The following MED13 variants were observed in gnomAD, a reference collection of about 807,000 sequenced individuals.
MED13 encodes mediator of RNA polymerase II transcription subunit 13.
A neutral mutation model predicts 225.2 loss-of-function variants in MED13; 23 were observed. That is an observed-to-expected ratio of 0.10 (90% CI 0.07 to 0.14). The LOEUF is 0.14. Among genes scored for constraint, MED13 ranks in the 10% least tolerant of loss-of-function variants. The probability of loss-of-function intolerance (pLI) is 1.00; values close to 1 mark genes in which losing one functional copy is unlikely to be tolerated. For synonymous variants in MED13, 942 were observed against 889.2 expected, an observed-to-expected ratio of 1.06 and a Z score of -1.06; for missense variants, 2,197 against 2,594.5, an observed-to-expected ratio of 0.85 and a Z score of 3.33.
At chr17:62,049,930 C>CAAAAA (rs544006035) in intron 3 of MED13, among the ~76,000 whole-genome samples, 1 of 96,262 alleles carries the variant, frequency 1.0e-5, no homozygotes, top group Non-Finnish European at 2.0e-5. Flanking sequence ...GCTCTGTCTC[C>CAAAAA]AAAAAAAAAA....
intron 26 of MED13, among the ~76,000 whole-genome samples, chr17:61,954,842 A>C (rs1010149102): frequency 6.6e-6 from 1 of 152,188 alleles, no homozygotes; most frequent in Non-Finnish European, 1.5e-5. Context: ...TGATATCAAC[A>C]AGGTGAAAGA....
chr17:62,001,759 T>C (rs1224485470), intron 9 of MED13, among the ~76,000 whole-genome samples: 1 of 152,354 alleles, frequency 6.6e-6, no homozygotes, highest in Non-Finnish European at 1.5e-5. Flanking sequence ...AATATGCTAT[T>C]TTCCATTAGA....
At chr17:61,981,217 T>C (rs1353204053) in intron 16 of MED13, among the ~76,000 whole-genome samples, 1 of 152,032 alleles carries the variant, frequency 6.6e-6, no homozygotes, top group Non-Finnish European at 1.5e-5. Context: ...AGACGGGATT[T>C]CACTATGTTG....
At chr17:61,955,221 C>T (rs1293980360) in intron 26 of MED13, 161 bp downstream of exon 26, 25 of 537,716 alleles carry the variant, frequency 4.6e-5, no homozygotes, top group Admixed American at 1.1e-4. Flanking sequence ...GGCCCACCTG[C>T]GTAATTGAGG....
intron 16 of MED13, among the ~76,000 whole-genome samples, chr17:61,976,805 A>C (rs2143430755): frequency 6.6e-6 from 1 of 152,194 alleles, no homozygotes; most frequent in South Asian, 2.1e-4. Context: ...TGTGGCGGGC[A>C]CCTGTAGTCC....
chr17:62,044,881 C>A (rs369035622), intron 3 of MED13, among the ~76,000 whole-genome samples: 2 of 152,160 alleles, frequency 1.3e-5, no homozygotes, highest in African/African-American at 2.4e-5. Context: ...AGGCTAGTCT[C>A]GAACTCCTGA....
At chr17:61,975,632 T>C (rs1034410854) in intron 16 of MED13, among the ~76,000 whole-genome samples, 3 of 152,142 alleles carry the variant, frequency 2.0e-5, no homozygotes, top group Non-Finnish European at 4.4e-5. Context: ...GGCACAAGAA[T>C]CACTTGAACC....
intron 12 of MED13, among the ~76,000 whole-genome samples, chr17:61,986,757 G>A (rs2143479133): frequency 6.6e-6 from 1 of 152,112 alleles, no homozygotes. Context: ...CTCAAATTAA[G>A]GTTAATCATG....
chr17:61,965,184 G>A lies in MED13; in HGVS notation c.4666C>T (p.Pro1556Ser). The stretch of plus-strand genomic sequence containing the variant: ...ATACTGCCAAAGGGTGGAAACGAAG[G>A]TAGTTTATTTGATGATACTCCACTA... ...LNSGVSSNKL[P>S]SFPPFGSMNS... is the part of the protein sequence containing the mutation. Residue 1556 changes from proline (P) to serine (S), a missense_variant, in exon 20 of 30, where the codon CCT becomes TCT. Physicochemically the swap from Pro to Ser is moderately conservative, Grantham distance 74. Around this residue, in one of 12 missense-constraint regions of MED13, gnomAD observed 457 missense variants for 442.2 expected, o/e 1.03. Coordinates refer to ENST00000397786, the MANE Select transcript of MED13 (RefSeq NM_005121.3). The A allele has an allele frequency of 6.2e-7, 1 of 1,614,158 alleles. No homozygotes were observed. The highest frequency in any genetic ancestry group is 8.5e-7 in the Non-Finnish European group (1 of 1,180,032).
At chr17:61,978,893 T>C (rs2080180049) in intron 16 of MED13, among the ~76,000 whole-genome samples, 1 of 152,218 alleles carries the variant, frequency 6.6e-6, no homozygotes, top group African/African-American at 2.4e-5. Context: ...GGTCCATGTG[T>C]TGTCCTCTTA....
At chr17:61,961,407 C>G (rs900065651) in intron 22 of MED13, among the ~76,000 whole-genome samples, 181 bp downstream of exon 22, 2 of 151,208 alleles carry the variant, frequency 1.3e-5, no homozygotes, top group African/African-American at 4.9e-5. Context: ...GTAATCCCAG[C>G]TACTCAGGAG....
At chr17:61,953,181 G>A in intron 26 of MED13, 68 bp from the exon 27 acceptor site, 1 of 1,473,450 alleles carries the variant, frequency 6.8e-7, no homozygotes, top group African/African-American at 1.4e-5. Context: ...CACAGGAAAG[G>A]GTCAAAATAA....
rs1450843750 is a variant in MED13, at chr17:61,981,211, G to A, written c.3805+987C>T. ...CTAATTTTAAATTTTTAGTAAAGAC[G>A]GGATTTCACTATGTTGGTCAGGCAG... On this transcript the variant is annotated intron_variant, in intron 16 of 29. Coordinates refer to ENST00000397786, the MANE Select transcript of MED13 (RefSeq NM_005121.3). Among the ~76,000 whole-genome samples the A allele has an allele frequency of 2.6e-5, 4 of 151,280 alleles. No homozygotes were observed. In the East Asian group the frequency reaches 5.8e-4, roughly 22 times the overall value.
At chr17:61,950,514 G>T (rs1178472884) in intron 28 of MED13, among the ~76,000 whole-genome samples, 1 of 151,916 alleles carries the variant, frequency 6.6e-6, no homozygotes, top group Non-Finnish European at 1.5e-5. Flanking sequence ...CTCCCGAGTA[G>T]CTGGGACTAC....
At chr17:61,967,276 C>T (rs1487774626) in intron 18 of MED13, among the ~76,000 whole-genome samples, 1 of 152,066 alleles carries the variant, frequency 6.6e-6, no homozygotes, top group Admixed American at 6.6e-5. Context: ...AATGTTTCCC[C>T]AAGCCTATTT....
At chr17:62,011,394 C>T (rs1485867785) in intron 8 of MED13, among the ~76,000 whole-genome samples, 161 bp from the exon 9 acceptor site, 2 of 152,032 alleles carry the variant, frequency 1.3e-5, no homozygotes, top group African/African-American at 2.4e-5. Flanking sequence ...ATACTTTGCT[C>T]GTGACCTAAA....
chr17:61,962,981 A>C lies in MED13; in HGVS notation c.4845-10T>G. 1.2e-6 allele frequency: 2 copies of C among 1,613,514 alleles called. No individual in the cohort carries two copies. Among genetic ancestry groups the C allele is most frequent in the Middle Eastern group, 1.7e-4 (1 of 6,060 alleles). On this transcript the variant is annotated splice_polypyrimidine_tract_variant and intron_variant, in intron 20 of 29. Coordinates refer to ENST00000397786, the MANE Select transcript of MED13 (RefSeq NM_005121.3). ...ATCCCGATCCATCGTGCTAAAATTT[A>C]AGGTAGAAATGAGACAAAAAGTTGT...
chr17:62,058,983 G>C (rs1392367470), intron 2 of MED13, among the ~76,000 whole-genome samples: 1 of 152,144 alleles, frequency 6.6e-6, no homozygotes, highest in African/African-American at 2.4e-5. Flanking sequence ...AGTGACATAA[G>C]AGAAAATGAA....
chr17:61,981,863 C>T (rs2080207795), intron 16 of MED13, among the ~76,000 whole-genome samples: 1 of 152,180 alleles, frequency 6.6e-6, no homozygotes, highest in African/African-American at 2.4e-5. Context: ...TAGGCTAATA[C>T]CTGGCACATA....
Sources: gnomAD v4.1 joint callset for allele counts (sites outside exome capture counted in the v4.1 genomes callset) on GRCh38, gnomAD v4.1.1 for gene constraint, gnomAD v4.1.1 regional missense constraint, MANE v1.5 for transcripts, NCBI Gene and HGNC (gene_info 2026-07-23, HGNC 2026-07-21) for gene names.